The following CELF2 variants were observed in gnomAD, a reference collection of about 807,000 sequenced individuals.
CELF2 encodes CUG triplet repeat RNA-binding protein 2.
In CELF2, 8 loss-of-function variants were observed where a neutral mutation model predicts 62.6. The observed-to-expected ratio is 0.13, with a 90% CI of 0.07 to 0.23. The LOEUF (loss-of-function observed/expected upper bound fraction) is 0.23, where lower values mean the gene tolerates loss of function less well. Ranked by LOEUF, CELF2 falls within the 10% of genes least tolerant of loss-of-function variation. CELF2 has a pLI of 1.00. For missense variants in CELF2, 333 were observed against 671.0 expected (o/e 0.50, Z 5.56); for synonymous variants, 258 against 250.0 (o/e 1.03, Z -0.30).
In CELF2 at chr10:11,214,210, A is replaced by G. The variant is rs183416406; in HGVS notation, c.272-3215A>G. ...GGCAGGAGAACCACTTGAGCCAAGG[A>G]GTTCAAGGCTGCAGTGAGCTGTGAT... On this transcript the variant is annotated intron_variant, in intron 2 of 12. Coordinates refer to ENST00000633077, the MANE Select transcript of CELF2 (RefSeq NM_001326342.2). The surrounding 1 kb of genome is among the most constrained non-coding windows in gnomAD (Gnocchi z 4.2). Among the ~76,000 whole-genome samples the G allele has an allele frequency of 7.9e-5, 12 of 152,302 alleles. No individual in the cohort carries two copies. The East Asian group carries it at 2.3e-3, about 29-fold the overall frequency.
In CELF2 at chr10:11,065,701, C is replaced by CT. The variant is rs60672516; in HGVS notation, c.74+47538_74+47539insT. Among the ~76,000 whole-genome samples the CT allele has an allele frequency of 2.7e-5, 3 of 109,424 alleles. No individual in the cohort carries two copies. The East Asian group carries it at 4.4e-3, about 161-fold the overall frequency. 71.8% of individuals were successfully genotyped at this position (109,424 alleles called of 152,430 possible). On this transcript the variant is annotated intron_variant, in intron 1 of 12. Coordinates refer to ENST00000633077, the MANE Select transcript of CELF2 (RefSeq NM_001326342.2). ...CAGTGAACAAGACAGACAAACCCCACCCCCCGCCATTGCTGAGTGTGCACT... is the reference window on the plus strand; with the variant it reads ...CAGTGAACAAGACAGACAAACCCCACTCCCCCGCCATTGCTGAGTGTGCACT...
chr10:10,652,806 T>C, the CELF2 span, among the ~76,000 whole-genome samples: 1 of 149,530 alleles, frequency 6.7e-6, no homozygotes, highest in Admixed American at 6.7e-5. Context: ...AGGAAGAAAC[T>C]GCATCAACTA....
At chr10:10,897,791 C>T (rs970719063) in intron 1 of CELF2, among the ~76,000 whole-genome samples, 1 of 152,164 alleles carries the variant, frequency 6.6e-6, no homozygotes, top group African/African-American at 2.4e-5. Flanking sequence ...GGAACAGAGA[C>T]AGAATGAAAT....
chr10:11,213,136 T>C (rs1415945423), intron 2 of CELF2, among the ~76,000 whole-genome samples: 1 of 152,126 alleles, frequency 6.6e-6, no homozygotes, highest in Non-Finnish European at 1.5e-5. Context: ...CCATGGACAG[T>C]AGGGAAGGTG....
At chr10:10,746,120 G>A in the CELF2 span, among the ~76,000 whole-genome samples, 2 of 152,164 alleles carry the variant, frequency 1.3e-5, no homozygotes, top group African/African-American at 2.4e-5. Context: ...ATCTAACACA[G>A]ATCAGCTGCC....
At chr10:11,218,372 T>C (rs2063874069) in intron 3 of CELF2, among the ~76,000 whole-genome samples, 1 of 152,232 alleles carries the variant, frequency 6.6e-6, no homozygotes, top group Admixed American at 6.5e-5. Flanking sequence ...TTTCAGGGTA[T>C]AATTCTACCT....
rs2096078072 is a variant in CELF2 at position 11,334,179 on chromosome 10, ATTAG to A, written c.*5130_*5133del. On this transcript the variant is annotated 3_prime_UTR_variant, in exon 13 of 13. Coordinates refer to ENST00000633077, the MANE Select transcript of CELF2 (RefSeq NM_001326342.2). Reference sequence around the variant, plus strand: ...TCAGTCACTTTAAGTGGATAAATGTATTAGTTAAAACTTTAGGGTTTGCTTTTTT... The same window carrying A: ...TCAGTCACTTTAAGTGGATAAATGTATTAAAACTTTAGGGTTTGCTTTTTT... 2 of 152,674 alleles carry A rather than the reference ATTAG, an allele frequency of 1.3e-5. No individual in the cohort carries two copies. The highest frequency in any genetic ancestry group is 4.8e-5 in the African/African-American group (2 of 41,468). The allele number at this position is 152,674 out of a possible 1,614,324, so 9.5% of individuals were successfully genotyped here. A position where few individuals can be genotyped will look rare whatever the true frequency, so the allele number is the denominator to read the frequency against.
At position 11,285,780 on chromosome 10, in the gene CELF2, G is replaced by A. The variant is rs780434211; in HGVS notation, c.842-2638G>A. ...AAATGTCAAACTTGTCTGTTACCCT[G>A]TTTGTTTGTCTTACATAGATTTGCT... On this transcript the variant is annotated intron_variant, in intron 8 of 12. Coordinates refer to ENST00000633077, the MANE Select transcript of CELF2 (RefSeq NM_001326342.2). This position sits in a 1 kb window ranked among gnomAD's most constrained non-coding sequence, Gnocchi z 4.3. Among the ~76,000 whole-genome samples, 4 of 151,514 alleles carry A rather than the reference G, an allele frequency of 2.6e-5. No individual in the cohort carries two copies. Among genetic ancestry groups the A allele is most frequent in the Non-Finnish European group, 4.4e-5 (3 of 67,938 alleles).
At chr10:10,748,747 C>CAAT in the CELF2 span, among the ~76,000 whole-genome samples, 4 of 36,966 alleles carry the variant, frequency 1.1e-4, no homozygotes, top group African/African-American at 4.2e-4. Context: ...GACTCTGTCT[C>CAAT]AAAAAAAAAA....
intron 1 of CELF2, among the ~76,000 whole-genome samples, chr10:11,096,804 A>G (rs551803079): frequency 6.6e-6 from 1 of 152,314 alleles, no homozygotes; most frequent in South Asian, 2.1e-4. Context: ...TCCTCTATCT[A>G]CCAGGATGAT....
chr10:10,971,586 T>G (rs1239767932), intron 2 of CELF2, among the ~76,000 whole-genome samples: 2 of 152,064 alleles, frequency 1.3e-5, no homozygotes, highest in South Asian at 2.1e-4. Context: ...TTTGTTTGTT[T>G]TTGTTGTTGT....
chr10:10,576,369 C>G, the CELF2 span, among the ~76,000 whole-genome samples: 4 of 152,084 alleles, frequency 2.6e-5, no homozygotes, highest in African/African-American at 9.7e-5. Flanking sequence ...AGCATAAATA[C>G]TAGCTTTCTC....
chr10:11,195,045 C>T (rs1054724855), intron 2 of CELF2, among the ~76,000 whole-genome samples: 1 of 152,164 alleles, frequency 6.6e-6, no homozygotes, highest in Non-Finnish European at 1.5e-5. Flanking sequence ...TAATGTCTTT[C>T]CCTCTATGGT....
Position 11,300,465 on chromosome 10 carries a change from A to G in CELF2, c.976+11913A>G, listed in dbSNP as rs773250887. Among the ~76,000 whole-genome samples, 1 of 152,214 alleles carries G rather than the reference A, an allele frequency of 6.6e-6. No individual in the cohort carries two copies. The highest frequency in any genetic ancestry group is 1.5e-5 in the Non-Finnish European group (1 of 68,032). On this transcript the variant is annotated intron_variant, in intron 9 of 12. Coordinates refer to ENST00000633077, the MANE Select transcript of CELF2 (RefSeq NM_001326342.2). The surrounding 1 kb of genome is among the most constrained non-coding windows in gnomAD (Gnocchi z 5.5). ...GTCTCTGGGGAAGGTACCCTCTTCC[A>G]GGCTGGGAGTGTGAGGTCACACCTC...
chr10:10,817,213 G>A (rs1198307430), intron 1 of CELF2, among the ~76,000 whole-genome samples: 2 of 152,072 alleles, frequency 1.3e-5, no homozygotes, highest in African/African-American at 4.8e-5. Context: ...TAATTTTTGT[G>A]GGTACATAGT....
At chr10:10,557,291 A>T in the CELF2 span, among the ~76,000 whole-genome samples, 1 of 150,490 alleles carries the variant, frequency 6.6e-6, no homozygotes, top group Non-Finnish European at 1.5e-5. Context: ...TAAATAGGGA[A>T]TCCTTTCCCC....
the CELF2 span, among the ~76,000 whole-genome samples, chr10:10,649,851 G>C: frequency 2.6e-5 from 4 of 152,294 alleles, no homozygotes; most frequent in Admixed American, 1.3e-4. Flanking sequence ...ATGCCTGAGA[G>C]GCTACATTCG....
At chr10:10,726,058 A>G in the CELF2 span, among the ~76,000 whole-genome samples, 4 of 152,176 alleles carry the variant, frequency 2.6e-5, no homozygotes, top group African/African-American at 9.7e-5. Context: ...GTCACAAGAA[A>G]GTTCAGCATG....
chr10:10,987,425 T>C lies in CELF2; in HGVS notation c.89+67426T>C, dbSNP rs550723895. 3.3e-3 allele frequency among the ~76,000 whole-genome samples: 508 copies of C among 152,232 alleles called. 2 individuals carry two copies. Among genetic ancestry groups the C allele is most frequent in the African/African-American group, 0.012 (482 of 41,554 alleles). On this transcript the variant is annotated intron_variant, in intron 2 of 13. Transcript: ENST00000636488. ...CTGCTTAGTTGAATGAAAATAAATA[T>C]GTCACAACAGCGCTGTATTAAATGT...
Sources: gnomAD v4.1 joint callset for allele counts (sites outside exome capture counted in the v4.1 genomes callset) on GRCh38, gnomAD v4.1.1 for gene constraint, Gnocchi (gnomAD v3.1) non-coding constraint, MANE v1.5 for transcripts, NCBI Gene and HGNC (gene_info 2026-07-23, HGNC 2026-07-21) for gene names.